The following GARIN2 variants were observed in gnomAD, a reference collection of about 807,000 sequenced individuals.
GARIN2 encodes the protein Golgi-associated RAB2 interactor protein 2.
At chr14:67,225,029 T>C in the GARIN2 span, 7 of 1,204,516 alleles carry the variant, frequency 5.8e-6, no homozygotes, top group East Asian at 2.7e-5. Flanking sequence ...GCCTTTTTTT[T>C]CCTCCTGCTT....
chr14:67,200,887 G>T, the GARIN2 span, among the ~76,000 whole-genome samples: 2 of 152,156 alleles, frequency 1.3e-5, no homozygotes. Context: ...GTCAGACGTT[G>T]CCCCCATCGT....
At chr14:67,215,234 C>T in the GARIN2 span, among the ~76,000 whole-genome samples, 2 of 152,132 alleles carry the variant, frequency 1.3e-5, no homozygotes, top group African/African-American at 4.8e-5. Context: ...GTGGAAAGAA[C>T]TATAGGCTCA....
chr14:67,196,168 A>C, the GARIN2 span, among the ~76,000 whole-genome samples: 1 of 151,298 alleles, frequency 6.6e-6, no homozygotes, highest in African/African-American at 2.4e-5. Flanking sequence ...TAAGCCTCTG[A>C]CAAGTTTCAT....
At chr14:67,205,755 A>T in the GARIN2 span, among the ~76,000 whole-genome samples, 1 of 152,230 alleles carries the variant, frequency 6.6e-6, no homozygotes, top group African/African-American at 2.4e-5. Context: ...CTCTTTGGGC[A>T]AACGTTAGTG....
chr14:67,193,585 A>ATATAGATATATATC, the GARIN2 span, among the ~76,000 whole-genome samples: 1 of 145,140 alleles, frequency 6.9e-6, no homozygotes, highest in Non-Finnish European at 1.5e-5. Flanking sequence ...CTATATATAG[A>ATATAGATATATATC]TATAGATATA....
the GARIN2 span, chr14:67,189,650 T>G: frequency 6.6e-6 from 1 of 152,112 alleles, no homozygotes; most frequent in African/African-American, 2.4e-5. Flanking sequence ...TTCTGGTAAT[T>G]CGAGGGCAGA....
chr14:67,226,427 C>A, the GARIN2 span, among the ~76,000 whole-genome samples: 1 of 152,218 alleles, frequency 6.6e-6, no homozygotes, highest in Admixed American at 6.5e-5. Flanking sequence ...GTGGCACAAT[C>A]TTGGCTCACT....
At chr14:67,218,505 C>A in the GARIN2 span, among the ~76,000 whole-genome samples, 2 of 152,104 alleles carry the variant, frequency 1.3e-5, no homozygotes, top group African/African-American at 4.8e-5. Flanking sequence ...TGCTTGGCAG[C>A]CTGGGGCATG....
the GARIN2 span, among the ~76,000 whole-genome samples, chr14:67,190,673 C>G: frequency 6.6e-6 from 1 of 152,156 alleles, no homozygotes; most frequent in Non-Finnish European, 1.5e-5. Flanking sequence ...AAGGCTTTCT[C>G]TTCAAAGCTG....
At chr14:67,200,180 G>A in the GARIN2 span, 85 of 1,156,408 alleles carry the variant, frequency 7.4e-5, no homozygotes, top group Non-Finnish European at 4.4e-5. Flanking sequence ...CATGGTATGC[G>A]TGGACTTCCT....
the GARIN2 span, chr14:67,203,278 A>T: frequency 6.3e-7 from 1 of 1,591,204 alleles, no homozygotes; most frequent in Non-Finnish European, 8.6e-7. Context: ...CCTGCAGAGA[A>T]ACTAGTGCTC....
At chr14:67,194,407 C>A in the GARIN2 span, among the ~76,000 whole-genome samples, 5 of 151,866 alleles carry the variant, frequency 3.3e-5, 1 homozygote, top group South Asian at 1.0e-3. Flanking sequence ...ATGTACTTTA[C>A]CATTGGTAAA....
chr14:67,224,657 G>A, the GARIN2 span: 1 of 320,200 alleles, frequency 3.1e-6, no homozygotes, highest in South Asian at 2.5e-5. Flanking sequence ...CAAATTATGG[G>A]CTTATCTCTG....
At chr14:67,198,610 C>T in the GARIN2 span, among the ~76,000 whole-genome samples, 57 of 152,246 alleles carry the variant, frequency 3.7e-4, no homozygotes, top group Admixed American at 8.5e-4. Flanking sequence ...TGGCATTTCC[C>T]GCCACAGGGA....
chr14:67,209,072 A>G, the GARIN2 span, among the ~76,000 whole-genome samples: 2 of 152,254 alleles, frequency 1.3e-5, no homozygotes, highest in African/African-American at 4.8e-5. Flanking sequence ...CCTCATTTAC[A>G]GAGGAAAGAT....
At chr14:67,208,300 A>G in the GARIN2 span, 18 of 1,614,016 alleles carry the variant, frequency 1.1e-5, no homozygotes, top group Non-Finnish European at 1.5e-5. Flanking sequence ...TCTCAAACAT[A>G]ACACTGACTT....
the GARIN2 span, chr14:67,203,112 T>C: frequency 6.2e-7 from 1 of 1,613,152 alleles, no homozygotes; most frequent in Non-Finnish European, 8.5e-7. Context: ...AAGAGGTGAA[T>C]CCATTTACCT....
At chr14:67,193,669 A>G in the GARIN2 span, among the ~76,000 whole-genome samples, 2 of 148,944 alleles carry the variant, frequency 1.3e-5, no homozygotes, top group Non-Finnish European at 3.0e-5. Flanking sequence ...TAGGCCAAGC[A>G]CAGTGGCTCA....
the GARIN2 span, chr14:67,208,174 G>T: frequency 6.2e-7 from 1 of 1,611,450 alleles, no homozygotes; most frequent in South Asian, 1.1e-5. Flanking sequence ...TCTGTTACCT[G>T]ATTTGCTGCT....
Sources: allele counts gnomAD v4.1 joint callset (sites outside exome capture counted in the v4.1 genomes callset), GRCh38; gene constraint gnomAD v4.1.1; transcripts MANE v1.5; gene names NCBI Gene and HGNC (gene_info 2026-07-23, HGNC 2026-07-21).